Variants in WDR72 observed in about 807,000 individuals in gnomAD.
WDR72 encodes the protein WD repeat domain 72, also known as WD repeat-containing protein 72.
In WDR72, 120 loss-of-function variants were observed where a neutral mutation model predicts 124.2. That is an observed-to-expected ratio of 0.97 (90% CI 0.83 to 1.12). WDR72 has a LOEUF of 1.12. Among genes scored for constraint, WDR72 ranks in the 50% most tolerant of loss-of-function variants. WDR72 has a pLI of 0.00. For missense variants in WDR72, 1,387 were observed against 1,278.8 expected, an observed-to-expected ratio of 1.08 and a Z score of -1.29; for synonymous variants, 452 against 441.7, an observed-to-expected ratio of 1.02 and a Z score of -0.29.
At chr15:53,546,166 A>G (rs1165580599) in intron 18 of WDR72, among the ~76,000 whole-genome samples, 2 of 145,918 alleles carry the variant, frequency 1.4e-5, no homozygotes, top group Non-Finnish European at 3.0e-5. Context: ...ATTACTGGGT[A>G]TATACCCAAA....
At position 53,722,839 on chromosome 15, in the gene WDR72, A is replaced by G. The variant is rs193141655; in HGVS notation, c.223T>C (p.Ser75Pro). The stretch of plus-strand genomic sequence containing the variant: ...GCACTAACAATGTAGGGCTGTTTAG[A>G]GAAGTCCCTTGCTCTTGCCAAACAT... ...VTCLARARDF[S>P]KQPYIVSAAE... The change falls in exon 3 of 20, where the codon TCT becomes CCT. Residue 75 changes from serine to proline, a missense_variant. Physicochemically the swap from Ser to Pro is moderately conservative, Grantham distance 74 (BLOSUM62 -1). Coordinates refer to ENST00000360509, the MANE Select transcript of WDR72 (RefSeq NM_182758.4). 15 of 1,612,978 alleles carry G rather than the reference A, an allele frequency of 9.3e-6. No individual in the cohort carries two copies. In the East Asian group the frequency reaches 2.9e-4, roughly 31 times the overall value.
At chr15:53,732,801 A>G (rs945865016) in intron 2 of WDR72, among the ~76,000 whole-genome samples, 196 bp downstream of exon 2, 1 of 152,216 alleles carries the variant, frequency 6.6e-6, no homozygotes, top group African/African-American at 2.4e-5. Flanking sequence ...TATTCATAAT[A>G]TAATTTTCAA....
chr15:53,712,199 A>T (rs191903203), intron 7 of WDR72, among the ~76,000 whole-genome samples: 3 of 152,214 alleles, frequency 2.0e-5, no homozygotes, highest in Non-Finnish European at 4.4e-5. Context: ...TAAAATTAGG[A>T]TATGCTACTA....
chr15:53,583,150 T>G (rs553852475), intron 18 of WDR72, among the ~76,000 whole-genome samples: 1 of 152,138 alleles, frequency 6.6e-6, no homozygotes, highest in South Asian at 2.1e-4. Flanking sequence ...CTCCAACAAG[T>G]TGTATCATCA....
intron 13 of WDR72, among the ~76,000 whole-genome samples, chr15:53,695,805 C>G (rs1293035654): frequency 6.6e-6 from 1 of 152,160 alleles, no homozygotes; most frequent in Admixed American, 6.5e-5. Context: ...GTACATGACT[C>G]TAGAATATGC....
At chr15:53,625,863 A>T (rs2140385230) in intron 14 of WDR72, among the ~76,000 whole-genome samples, 1 of 152,124 alleles carries the variant, frequency 6.6e-6, no homozygotes, top group South Asian at 2.1e-4. Flanking sequence ...AGAACAAAGA[A>T]GTGTACTGAT....
At chr15:53,608,181 T>G (rs1401402843) in intron 17 of WDR72, among the ~76,000 whole-genome samples, 4 of 152,086 alleles carry the variant, frequency 2.6e-5, no homozygotes, top group Non-Finnish European at 5.9e-5. Flanking sequence ...AACCAGTATA[T>G]CAAAGAGAAA....
chr15:53,515,049 A>G lies in WDR72; in HGVS notation c.*2650T>C, dbSNP rs933412158. On this transcript the variant is annotated 3_prime_UTR_variant, in exon 20 of 20. Coordinates refer to ENST00000360509, the MANE Select transcript of WDR72 (RefSeq NM_182758.4). ...TACACACATATATATGTGTATATAT[A>G]TGTGTGTATATATATACACACATAT... 2 of 138,318 alleles carry G rather than the reference A, an allele frequency of 1.4e-5. No homozygotes were observed. Among genetic ancestry groups the G allele is most frequent in the East Asian group, 2.2e-4 (1 of 4,622 alleles). The allele number at this position is 138,318 out of a possible 1,614,324, so 8.6% of individuals were successfully genotyped here.
At chr15:53,722,217 TAG>T (rs2017896806) in intron 3 of WDR72, among the ~76,000 whole-genome samples, 1 of 151,776 alleles carries the variant, frequency 6.6e-6, no homozygotes, top group Non-Finnish European at 1.5e-5. Flanking sequence ...CTATTTTTAA[TAG>T]AGTCAGGGTT....
intron 13 of WDR72, among the ~76,000 whole-genome samples, chr15:53,683,316 G>A (rs1413399657): frequency 1.3e-5 from 2 of 152,082 alleles, no homozygotes; most frequent in Non-Finnish European, 2.9e-5. Flanking sequence ...TATTATACAT[G>A]TCATAGTAGC....
intron 18 of WDR72, among the ~76,000 whole-genome samples, chr15:53,558,774 A>T (rs995408768): frequency 6.6e-5 from 10 of 152,048 alleles, no homozygotes; most frequent in African/African-American, 2.4e-4. Flanking sequence ...GGAGCCAATG[A>T]CTGAGGCTGG....
intron 15 of WDR72, among the ~76,000 whole-genome samples, chr15:53,614,715 A>T (rs1386655321): frequency 6.6e-6 from 1 of 152,002 alleles, no homozygotes; most frequent in African/African-American, 2.4e-5. Context: ...CAATAAATCA[A>T]ACTGGTTACC....
At chr15:53,761,506 C>A (rs575199787), upstream of WDR72, among the ~76,000 whole-genome samples, 1 of 152,292 alleles carries the variant, frequency 6.6e-6, no homozygotes, top group South Asian at 2.1e-4. Flanking sequence ...TATCCAAGAT[C>A]TTTTGGTAAG....
intron 18 of WDR72, among the ~76,000 whole-genome samples, chr15:53,596,724 A>G (rs1032547047): frequency 1.3e-5 from 2 of 152,168 alleles, no homozygotes; most frequent in Non-Finnish European, 2.9e-5. Context: ...AAGTCCTTCA[A>G]ACATTTGACA....
intron 7 of WDR72, among the ~76,000 whole-genome samples, chr15:53,712,441 C>A (rs1177315547): frequency 6.6e-6 from 1 of 151,884 alleles, no homozygotes; most frequent in Non-Finnish European, 1.5e-5. Flanking sequence ...CCTAAAAATA[C>A]AAAACTTAGC....
chr15:53,531,385 A>G (rs1892458144), intron 18 of WDR72, among the ~76,000 whole-genome samples: 1 of 152,104 alleles, frequency 6.6e-6, no homozygotes, highest in South Asian at 2.1e-4. Context: ...GTCTGTTGGC[A>G]TCAGCTGGTT....
intron 18 of WDR72, among the ~76,000 whole-genome samples, chr15:53,584,677 T>A (rs2012105696): frequency 6.6e-6 from 1 of 151,948 alleles, no homozygotes; most frequent in African/African-American, 2.4e-5. Flanking sequence ...TCTCTCTCTT[T>A]CAGAAAAAAG....
At chr15:53,697,833 G>C (rs2017049249) in intron 13 of WDR72, among the ~76,000 whole-genome samples, 1 of 152,170 alleles carries the variant, frequency 6.6e-6, no homozygotes, top group Non-Finnish European at 1.5e-5. Context: ...GTTTGAGACA[G>C]AGACTCGCTC....
intron 18 of WDR72, among the ~76,000 whole-genome samples, chr15:53,571,820 C>T (rs115569865): frequency 0.011 from 1,592 of 150,104 alleles, 34 homozygotes; most frequent in African/African-American, 0.038. Flanking sequence ...AATGGTTGTA[C>T]TAATATAGAT....
Sources: gnomAD v4.1 joint callset for allele counts (sites outside exome capture counted in the v4.1 genomes callset) on GRCh38, gnomAD v4.1.1 for gene constraint, MANE v1.5 for transcripts, NCBI Gene and HGNC (gene_info 2026-07-23, HGNC 2026-07-21) for gene names.